The following PACRG variants were observed in gnomAD, a reference collection of about 807,000 sequenced individuals.
PACRG encodes the protein parkin coregulated gene protein.
A neutral mutation model predicts 29.7 loss-of-function variants in PACRG; 29 were observed. That is an observed-to-expected ratio of 0.98 (90% confidence interval 0.73 to 1.33). PACRG has a LOEUF of 1.33. Among genes scored for constraint, PACRG ranks in the 40% most tolerant of loss-of-function variants. The pLI is 0.00. For synonymous variants in PACRG, 116 were observed against 118.7 expected (o/e 0.98, Z 0.15); for missense variants, 279 against 316.2 (o/e 0.88, Z 0.89).
At chr6:163,254,098 G>A (rs1055298391) in intron 4 of PACRG, among the ~76,000 whole-genome samples, 1 of 152,208 alleles carries the variant, frequency 6.6e-6, no homozygotes, top group Admixed American at 6.5e-5. Flanking sequence ...TGCATCTTGG[G>A]CATCGGGACA....
chr6:163,088,388 T>C (rs1200610458), intron 3 of PACRG, among the ~76,000 whole-genome samples: 1 of 152,210 alleles, frequency 6.6e-6, no homozygotes, highest in Non-Finnish European at 1.5e-5. Context: ...CTGGCTCTTC[T>C]ACTTAAACCA....
At chr6:163,313,678 T>G (rs1187324771) in intron 4 of PACRG, 1 of 152,228 alleles carries the variant, frequency 6.6e-6, no homozygotes. Context: ...ATTTTCAAGT[T>G]GCACTGAAGG....
chr6:162,727,162 A>C (rs1202483607), upstream of PACRG: 3 of 154,476 alleles, frequency 1.9e-5, no homozygotes, highest in Admixed American at 6.5e-5. Context: ...CTGTGGAGCC[A>C]GCCACCCTCA....
At chr6:162,764,377 A>G (rs1456865416) in intron 1 of PACRG, among the ~76,000 whole-genome samples, 3 of 149,416 alleles carry the variant, frequency 2.0e-5, no homozygotes, top group African/African-American at 7.5e-5. Flanking sequence ...AGATAATTTT[A>G]ATCTTTTTAG....
intron 2 of PACRG, among the ~76,000 whole-genome samples, chr6:162,939,066 A>G (rs1035293591): frequency 2.6e-5 from 4 of 152,206 alleles, no homozygotes; most frequent in Non-Finnish European, 5.9e-5. Flanking sequence ...AAATGGGCAC[A>G]TAGACCAATG....
intron 1 of PACRG, among the ~76,000 whole-genome samples, chr6:162,782,227 C>T (rs533837194): frequency 3.0e-4 from 45 of 151,974 alleles, no homozygotes; most frequent in African/African-American, 1.0e-3. Flanking sequence ...ATTCTAAATA[C>T]TAAGCAGAAA....
chr6:163,027,309 T>C (rs1807224462), intron 2 of PACRG, among the ~76,000 whole-genome samples: 1 of 152,220 alleles, frequency 6.6e-6, no homozygotes, highest in Non-Finnish European at 1.5e-5. Flanking sequence ...TTTTCATCTT[T>C]TAATACTGAG....
At chr6:162,798,392 C>A (rs1785561669) in intron 1 of PACRG, among the ~76,000 whole-genome samples, 1 of 152,030 alleles carries the variant, frequency 6.6e-6, no homozygotes, top group Non-Finnish European at 1.5e-5. Context: ...ACATTTTTTT[C>A]TGGTGTTTTC....
chr6:162,998,303 C>T (rs1347428275), intron 2 of PACRG, among the ~76,000 whole-genome samples: 1 of 152,144 alleles, frequency 6.6e-6, no homozygotes. Flanking sequence ...GGACTTGTCT[C>T]CAGTCCTCAT....
rs974138450 is a variant in PACRG, at chr6:163,117,821, A to T, written c.613+28413A>T. ...CACTATGTGGAGATTAGATAATCAA[A>T]CTCTGAAACTGTTCAGCTGGGTAGA... On this transcript the variant is annotated intron_variant, in intron 4 of 4. Transcript: ENST00000366888. Among the ~76,000 whole-genome samples the T allele has an allele frequency of 3.3e-5, 5 of 152,142 alleles. No individual in the cohort carries two copies. In the East Asian group the frequency reaches 5.8e-4, roughly 18 times the overall value.
chr6:163,167,497 G>T (rs1345822693), intron 4 of PACRG, among the ~76,000 whole-genome samples: 1 of 152,116 alleles, frequency 6.6e-6, no homozygotes, highest in Non-Finnish European at 1.5e-5. Flanking sequence ...ACATAGTTTA[G>T]AAATGAAAAT....
chr6:162,814,721 A>G (rs1159300258), intron 2 of PACRG, among the ~76,000 whole-genome samples: 1 of 152,160 alleles, frequency 6.6e-6, no homozygotes, highest in Non-Finnish European at 1.5e-5. Context: ...CTGGAAATGC[A>G]GAGTAGAATA....
chr6:162,825,519 C>A (rs983539927), intron 2 of PACRG, among the ~76,000 whole-genome samples: 1 of 152,070 alleles, frequency 6.6e-6, no homozygotes, highest in Non-Finnish European at 1.5e-5. Flanking sequence ...GAAATTTTTT[C>A]AAATTTACTT....
chr6:163,050,331 C>G (rs1358353956), intron 2 of PACRG, among the ~76,000 whole-genome samples: 1 of 152,084 alleles, frequency 6.6e-6, no homozygotes. Context: ...TTATCCTCAT[C>G]TCTTTCAAGG....
intron 1 of PACRG, among the ~76,000 whole-genome samples, chr6:162,781,641 A>G (rs1484028427): frequency 6.6e-6 from 1 of 151,854 alleles, no homozygotes; most frequent in Non-Finnish European, 1.5e-5. Flanking sequence ...AAAAAAAAGT[A>G]TATTGTTGTA....
intron 2 of PACRG, among the ~76,000 whole-genome samples, chr6:162,838,960 T>C (rs9365494): frequency 0.055 from 7,517 of 137,042 alleles, 253 homozygotes; most frequent in East Asian, 0.21. Context: ...CCATGGTGTA[T>C]ATGTGCCACA....
chr6:163,148,407 C>A (rs1373918116), intron 4 of PACRG, among the ~76,000 whole-genome samples: 1 of 152,156 alleles, frequency 6.6e-6, no homozygotes, highest in Non-Finnish European at 1.5e-5. Flanking sequence ...GATCCTGGAG[C>A]CTGTTATAAT....
intron 4 of PACRG, among the ~76,000 whole-genome samples, chr6:163,309,282 C>T (rs896728593): frequency 6.6e-6 from 1 of 152,320 alleles, no homozygotes; most frequent in Non-Finnish European, 1.5e-5. Context: ...ACGAGGCCTC[C>T]GCAGCTATTT....
chr6:162,728,473 G>C, intron 1 of PACRG, 82 bp downstream of exon 1: 10 of 1,514,870 alleles, frequency 6.6e-6, no homozygotes, highest in Non-Finnish European at 8.0e-6. Flanking sequence ...CCTTAGGATG[G>C]ACTCTGAGCC....
Sources: allele counts gnomAD v4.1 joint callset (sites outside exome capture counted in the v4.1 genomes callset), GRCh38; gene constraint gnomAD v4.1.1; transcripts MANE v1.5; gene names NCBI Gene and HGNC (gene_info 2026-07-23, HGNC 2026-07-21).